TRIM67: variants seen among roughly 807,000 people sequenced by gnomAD.
The protein encoded by TRIM67 is tripartite motif-containing protein 67.
A neutral mutation model predicts 71.0 loss-of-function variants in TRIM67; 39 were observed. The ratio of observed to expected loss-of-function variants is 0.55; its 90% CI spans 0.43 to 0.72. The LOEUF is 0.72. Ranked by LOEUF, TRIM67 falls within the 30% of genes least tolerant of loss-of-function variation. TRIM67 has a pLI of 0.00. For missense variants in TRIM67, 973 were observed against 1,079.2 expected, an observed-to-expected ratio of 0.90 and a Z score of 1.38; for synonymous variants, 481 against 473.9, an observed-to-expected ratio of 1.01 and a Z score of -0.19.
Position 231,215,483 on chromosome 1 carries a change from C to T in TRIM67, c.*43C>T. 6.5e-7 allele frequency: 1 copy of T among 1,549,044 alleles called. No individual in the cohort carries two copies. ...ACTGTGCCTGTGACAGTGACATTCA[C>T]AGGCAAAACGCCCACCATTCTCACT... On this transcript the variant is annotated 3_prime_UTR_variant, in exon 10 of 10. Coordinates refer to ENST00000366653, the MANE Select transcript of TRIM67 (RefSeq NM_001004342.5).
chr1:231,206,640 GCT>G lies in TRIM67; in HGVS notation c.1681-7_1681-6del, dbSNP rs1352393167. ...CTAGAGGAGCCTGGTGAGCAGCATT[GCT>G]CTCTTTCAGGAAGTGTACGTCGGTA... On this transcript the variant is annotated splice_polypyrimidine_tract_variant and intron_variant, in intron 6 of 9. Transcript: ENST00000366653. The G allele has an allele frequency of 6.3e-7, 1 of 1,575,228 alleles. No homozygotes were observed. The highest frequency in any genetic ancestry group is 1.2e-5 in the South Asian group (1 of 84,494).
At chr1:231,187,378 G>A (rs1189775032) in intron 1 of TRIM67, 5 of 738,212 alleles carry the variant, frequency 6.8e-6, no homozygotes, top group South Asian at 4.6e-5. Context: ...GCTTACCCAG[G>A]AGCCTCTACC....
At position 231,213,687 on chromosome 1, in the gene TRIM67, C is replaced by T. The variant is rs1371748882; in HGVS notation, c.2124-128C>T. ...GCGAGGCTGTTGTGCACCGAGATGGCGTCACTGCACTCCAGCCTGGGTGAC... is the reference window on the plus strand; with the variant it reads ...GCGAGGCTGTTGTGCACCGAGATGGTGTCACTGCACTCCAGCCTGGGTGAC... On this transcript the variant is annotated intron_variant, in intron 8 of 9. Coordinates refer to ENST00000366653, the MANE Select transcript of TRIM67 (RefSeq NM_001004342.5). 3.9e-5 allele frequency: 45 copies of T among 1,145,426 alleles called. 2 individuals carry two copies. The East Asian group carries it at 9.6e-4, about 24-fold the overall frequency. 71.0% of individuals were successfully genotyped at this position (1,145,426 alleles called of 1,614,324 possible).
intron 1 of TRIM67, among the ~76,000 whole-genome samples, chr1:231,194,739 G>A (rs1027094009): frequency 3.5e-4 from 54 of 152,332 alleles, no homozygotes; most frequent in Non-Finnish European, 6.3e-4. Context: ...CTGGAGCACA[G>A]TGTCATAATC....
At position 231,219,177 on chromosome 1, in the gene TRIM67, CA is replaced by C. The variant is rs1684084123; in HGVS notation, c.*3738del. 1 of 985,496 alleles carries C rather than the reference CA, an allele frequency of 1.0e-6. No individual in the cohort carries two copies. The highest frequency in any genetic ancestry group is 1.2e-6 in the Non-Finnish European group (1 of 830,064). 61.0% of individuals were successfully genotyped at this position (985,496 alleles called of 1,614,324 possible). Reference sequence around the variant, plus strand: ...TGCTGCACAGCCCGTGGGGTGGCGCCAGGGTTTCTCAACCTCTACTGACATT... The same window carrying C: ...TGCTGCACAGCCCGTGGGGTGGCGCCGGGTTTCTCAACCTCTACTGACATT... On this transcript the variant is annotated 3_prime_UTR_variant, in exon 10 of 10. Coordinates refer to ENST00000366653, the MANE Select transcript of TRIM67 (RefSeq NM_001004342.5).
intron 1 of TRIM67, among the ~76,000 whole-genome samples, chr1:231,170,484 A>G (rs1682594717): frequency 6.6e-6 from 1 of 152,244 alleles, no homozygotes; most frequent in South Asian, 2.1e-4. Context: ...GTCACTATTC[A>G]TGAATATATT....
intron 1 of TRIM67, among the ~76,000 whole-genome samples, chr1:231,169,991 C>CTTTTTTTTTTTTTTTTTTTTT (rs1342320930): frequency 9.2e-5 from 12 of 130,162 alleles, no homozygotes; most frequent in South Asian, 2.2e-4. Flanking sequence ...TTTTCTTTCT[C>CTTTTTTTTTTTTTTTTTTTTT]TCTTTTTTTT....
At chr1:231,165,517 CA>C (rs1164797986) in intron 1 of TRIM67, among the ~76,000 whole-genome samples, 6 of 152,126 alleles carry the variant, frequency 3.9e-5, no homozygotes, top group Non-Finnish European at 8.8e-5. Flanking sequence ...CAGAAAGCTA[CA>C]GGGAAGTAGC....
chr1:231,201,517 G>C lies in TRIM67; in HGVS notation c.1534G>C (p.Val512Leu). Residue 512 changes from valine (V) to leucine (L), a missense_variant and splice_region_variant, in exon 5 of 10, where the codon GTG becomes CTG. Physicochemically the swap from Val to Leu is conservative, Grantham distance 32. Transcript: ENST00000366653. ...QLDFIQMKCR[V>L]PPVPLLQLEK... ...GGACTTCATTCAGATGAAATGTAGG[G>C]GTGAGCCGCGGTTGGCCCCAGTTCA... 1 of 1,613,308 alleles carries C rather than the reference G, an allele frequency of 6.2e-7. No homozygotes were observed. Among genetic ancestry groups the C allele is most frequent in the Non-Finnish European group, 8.5e-7 (1 of 1,179,684 alleles).
chr1:231,206,005 G>A (rs984699918), intron 6 of TRIM67, among the ~76,000 whole-genome samples: 11 of 152,196 alleles, frequency 7.2e-5, no homozygotes, highest in Non-Finnish European at 1.0e-4. Context: ...ACGCCTCGCC[G>A]CCTCGCAGGC....
At chr1:231,178,325 A>G (rs573647488) in intron 1 of TRIM67, among the ~76,000 whole-genome samples, 46 of 152,350 alleles carry the variant, frequency 3.0e-4, no homozygotes, top group African/African-American at 1.1e-3. Context: ...TAAGAAAGCC[A>G]GTTGCAAGCC....
Position 231,219,316 on chromosome 1 carries a change from A to G in TRIM67, c.*3876A>G, listed in dbSNP as rs1684086934. On this transcript the variant is annotated 3_prime_UTR_variant, in exon 10 of 10. Transcript: ENST00000366653. ...GTGACAACCAAAAGTATCTGTCGAC[A>G]TTGCTAGGTATCTCCTGGGGGCCTC... 4.1e-6 allele frequency: 4 copies of G among 984,316 alleles called. No individual in the cohort carries two copies. Among genetic ancestry groups the G allele is most frequent in the Non-Finnish European group, 4.8e-6 (4 of 828,876 alleles). 61.0% of individuals were successfully genotyped at this position (984,316 alleles called of 1,614,324 possible).
At position 231,168,013 on chromosome 1, in the gene TRIM67, G is replaced by A. The variant is rs567837895; in HGVS notation, c.1044+4000G>A. 5.5e-4 allele frequency among the ~76,000 whole-genome samples: 84 copies of A among 151,642 alleles called. 2 individuals are homozygous for A. The South Asian group carries it at 0.015, about 26-fold the overall frequency. On this transcript the variant is annotated intron_variant, in intron 1 of 9. Transcript: ENST00000366653. ...GTCTCTCTCTGTTGCCCAGACTGGA[G>A]TGCAGTGCTGCCATCACAGCTCACT...
intron 9 of TRIM67, 22 bp from the exon 10 acceptor site, chr1:231,215,353 C>T (rs1683988682): frequency 6.2e-7 from 1 of 1,610,922 alleles, no homozygotes; most frequent in South Asian, 1.1e-5. Flanking sequence ...CCCACCCTCA[C>T]TTGCCCTGTC....
intron 7 of TRIM67, 68 bp from the exon 8 acceptor site, chr1:231,208,879 G>A: frequency 2.0e-6 from 3 of 1,464,054 alleles, no homozygotes; most frequent in Admixed American, 4.3e-5. Flanking sequence ...TTGTGTCTCT[G>A]AGCCGGTTAG....
intron 1 of TRIM67, among the ~76,000 whole-genome samples, chr1:231,174,008 C>T (rs1425110474): frequency 6.6e-6 from 1 of 152,046 alleles, no homozygotes; most frequent in African/African-American, 2.4e-5. Context: ...TGTACTATCT[C>T]TTCAGAAAAT....
chr1:231,219,459 C>G lies in TRIM67; in HGVS notation c.*4019C>G. The G allele has an allele frequency of 9.5e-7, 1 of 1,050,180 alleles. No individual in the cohort carries two copies. The highest frequency in any genetic ancestry group is 1.1e-6 in the Non-Finnish European group (1 of 870,028). The allele number at this position is 1,050,180 out of a possible 1,614,324, so 65.1% of individuals were successfully genotyped here. A position where few individuals can be genotyped will look rare whatever the true frequency, so the allele number is the denominator to read the frequency against. ...AGCCTGTATGTGACAAAGCTGCCAG[C>G]CTTTATCTTGATACCCAAGCCCAGG... is the stretch of plus-strand genomic sequence containing the variant. On this transcript the variant is annotated 3_prime_UTR_variant, in exon 10 of 10. Transcript: ENST00000366653.
chr1:231,189,587 C>T (rs1398778963), intron 1 of TRIM67, among the ~76,000 whole-genome samples: 1 of 152,160 alleles, frequency 6.6e-6, no homozygotes, highest in Non-Finnish European at 1.5e-5. Flanking sequence ...GAATGTACTT[C>T]TCACAGTTCT....
intron 1 of TRIM67, among the ~76,000 whole-genome samples, chr1:231,168,082 C>T (rs1173189360): frequency 6.6e-6 from 1 of 152,086 alleles, no homozygotes; most frequent in Non-Finnish European, 1.5e-5. Flanking sequence ...CCACCTCCGC[C>T]TCCCAAGTAG....
Sources: allele counts gnomAD v4.1 joint callset (sites outside exome capture counted in the v4.1 genomes callset), GRCh38; gene constraint gnomAD v4.1.1; transcripts MANE v1.5; gene names NCBI Gene and HGNC (gene_info 2026-07-23, HGNC 2026-07-21).